Variants in SH3RF3 observed in about 807,000 individuals in gnomAD.
SH3RF3 encodes SH3 domain containing ring finger 3.
In SH3RF3, 29 loss-of-function variants were observed where a neutral mutation model predicts 66.3. That is an observed-to-expected ratio of 0.44 (90% CI 0.33 to 0.60). The LOEUF is 0.60. Ranked by LOEUF, SH3RF3 falls within the 20% of genes least tolerant of loss-of-function variation. SH3RF3 has a pLI of 0.04. For synonymous variants in SH3RF3, 583 were observed against 532.0 expected (o/e 1.10, Z -1.32); for missense variants, 1,194 against 1,190.9 (o/e 1.00, Z -0.04).
intron 1 of SH3RF3, among the ~76,000 whole-genome samples, chr2:109,140,855 C>T (rs1043044786): frequency 6.6e-6 from 1 of 152,218 alleles, no homozygotes; most frequent in Non-Finnish European, 1.5e-5. Flanking sequence ...AACACCTACA[C>T]AGTCTGGCCC....
intron 4 of SH3RF3, among the ~76,000 whole-genome samples, chr2:109,403,696 C>T (rs573081077): frequency 6.6e-6 from 1 of 152,306 alleles, no homozygotes; most frequent in Non-Finnish European, 1.5e-5. Flanking sequence ...GTGCAGGCTC[C>T]CTCTCTCTAG....
At chr2:109,455,127 TC>T (rs1054186199) in intron 8 of SH3RF3, among the ~76,000 whole-genome samples, 1 of 152,206 alleles carries the variant, frequency 6.6e-6, no homozygotes, top group Non-Finnish European at 1.5e-5. Flanking sequence ...AATGCTGGCC[TC>T]CTGCCTCCTG....
chr2:109,353,820 G>A (rs1423840563), intron 2 of SH3RF3, among the ~76,000 whole-genome samples: 2 of 152,146 alleles, frequency 1.3e-5, no homozygotes, highest in East Asian at 1.9e-4. Flanking sequence ...GGGAGCTGCC[G>A]GCAGTGAGAG....
intron 4 of SH3RF3, among the ~76,000 whole-genome samples, chr2:109,411,116 A>T (rs1378885489): frequency 6.6e-6 from 1 of 152,214 alleles, no homozygotes; most frequent in East Asian, 1.9e-4. Context: ...CCATGGTTGG[A>T]GCTGGAGGCA....
intron 3 of SH3RF3, among the ~76,000 whole-genome samples, chr2:109,393,256 A>T (rs1676050967): frequency 6.6e-6 from 1 of 152,204 alleles, no homozygotes; most frequent in African/African-American, 2.4e-5. Flanking sequence ...TCTCTGGAAC[A>T]TGTGAGTCTG....
intron 1 of SH3RF3, among the ~76,000 whole-genome samples, chr2:109,254,965 T>TG (rs1052531647): frequency 1.1e-4 from 17 of 152,180 alleles, no homozygotes; most frequent in Non-Finnish European, 2.9e-5. Flanking sequence ...AACACCTATG[T>TG]GGGGCTCTGT....
At position 109,316,732 on chromosome 2, in the gene SH3RF3, C is replaced by T. The variant is rs531627716; in HGVS notation, c.574-30942C>T. ...CACGGGTTTGGACAAATCTATAATG[C>T]GATGTATCCACCATTAGAGTTTCAC... is the stretch of plus-strand genomic sequence containing the variant. On this transcript the variant is annotated intron_variant, in intron 1 of 9. Coordinates refer to ENST00000309415, the MANE Select transcript of SH3RF3 (RefSeq NM_001099289.3). 2.0e-3 allele frequency among the ~76,000 whole-genome samples: 309 copies of T among 152,278 alleles called. 2 individuals carry two copies. The highest frequency in any genetic ancestry group is 7.3e-3 in the African/African-American group (303 of 41,560).
chr2:109,259,757 A>G (rs916622179), intron 1 of SH3RF3, among the ~76,000 whole-genome samples: 4 of 152,212 alleles, frequency 2.6e-5, no homozygotes, highest in Admixed American at 2.6e-4. Flanking sequence ...GGCTTCACGT[A>G]GGTGCATGTG....
intron 1 of SH3RF3, among the ~76,000 whole-genome samples, chr2:109,311,698 G>T (rs1681728990): frequency 6.6e-6 from 1 of 152,232 alleles, no homozygotes; most frequent in Non-Finnish European, 1.5e-5. Flanking sequence ...TCTGACTGAT[G>T]TACCCTGGTG....
chr2:109,404,686 C>T (rs1044603573), intron 4 of SH3RF3, among the ~76,000 whole-genome samples: 1 of 152,166 alleles, frequency 6.6e-6, no homozygotes, highest in Non-Finnish European at 1.5e-5. Flanking sequence ...TGCCCCCTCC[C>T]AGCACCTTTG....
chr2:109,145,081 C>T (rs557020012), intron 1 of SH3RF3, among the ~76,000 whole-genome samples: 51 of 152,318 alleles, frequency 3.3e-4, no homozygotes, highest in Non-Finnish European at 4.9e-4. Flanking sequence ...GGCCCTCTTA[C>T]GGGGCCTGGA....
intron 1 of SH3RF3, among the ~76,000 whole-genome samples, chr2:109,266,983 C>G (rs1680511521): frequency 1.3e-5 from 2 of 152,158 alleles, no homozygotes; most frequent in African/African-American, 4.8e-5. Context: ...ATTTGCAAAT[C>G]TGTGTCTTTA....
chr2:109,274,183 G>A (rs924298321), intron 1 of SH3RF3, among the ~76,000 whole-genome samples: 13 of 152,182 alleles, frequency 8.5e-5, no homozygotes, highest in Non-Finnish European at 1.2e-4. Flanking sequence ...AAGTTAAAAA[G>A]TCATTATTCC....
intron 4 of SH3RF3, among the ~76,000 whole-genome samples, chr2:109,415,395 C>T (rs1457668388): frequency 6.6e-6 from 1 of 152,180 alleles, no homozygotes; most frequent in Non-Finnish European, 1.5e-5. Context: ...AGCATTGTTC[C>T]AGGGGGAGTG....
At chr2:109,347,604 C>T (rs1227757124) in intron 1 of SH3RF3, 70 bp from the exon 2 acceptor site, 1 of 1,553,022 alleles carries the variant, frequency 6.4e-7, no homozygotes, top group South Asian at 1.2e-5. Context: ...CCCGGCCTGC[C>T]CCGGCAGATC....
chr2:109,403,908 G>C lies in SH3RF3; in HGVS notation c.1299+4965G>C, dbSNP rs986933201. On this transcript the variant is annotated intron_variant, in intron 4 of 9. Coordinates refer to ENST00000309415, the MANE Select transcript of SH3RF3 (RefSeq NM_001099289.3). ...CCCCACCATGGCCACTGTGAGGGTG[G>C]AGTGAGGGCGTGCGTGCGGGCTGCC... Among the ~76,000 whole-genome samples, 3 of 152,328 alleles carry C rather than the reference G, an allele frequency of 2.0e-5. No individual in the cohort carries two copies. In the East Asian group the frequency reaches 5.8e-4, roughly 29 times the overall value.
chr2:109,158,007 T>C (rs1233810096), intron 1 of SH3RF3, among the ~76,000 whole-genome samples: 1 of 152,148 alleles, frequency 6.6e-6, no homozygotes, highest in Non-Finnish European at 1.5e-5. Flanking sequence ...GCCCGTGGTA[T>C]GTTCTAGTTC....
intron 1 of SH3RF3, among the ~76,000 whole-genome samples, chr2:109,262,959 C>T (rs1314958887): frequency 6.6e-6 from 1 of 152,048 alleles, no homozygotes; most frequent in Non-Finnish European, 1.5e-5. Flanking sequence ...CAGCCTCCCA[C>T]GTAGCTGGGA....
At chr2:109,443,745 C>A (rs923546353) in intron 7 of SH3RF3, among the ~76,000 whole-genome samples, 1 of 152,098 alleles carries the variant, frequency 6.6e-6, no homozygotes, top group Non-Finnish European at 1.5e-5. Context: ...CTTCAAAATA[C>A]ATAAGCAATA....
Sources: gnomAD v4.1 joint callset for allele counts (sites outside exome capture counted in the v4.1 genomes callset) on GRCh38, gnomAD v4.1.1 for gene constraint, MANE v1.5 for transcripts, NCBI Gene and HGNC (gene_info 2026-07-23, HGNC 2026-07-21) for gene names.